The following CDH4 variants were observed in gnomAD, a reference collection of about 807,000 sequenced individuals.
CDH4 encodes cadherin-4.
A neutral mutation model predicts 86.0 loss-of-function variants in CDH4; 33 were observed. The ratio of observed to expected loss-of-function variants is 0.38; its 90% CI spans 0.29 to 0.51. CDH4 has a LOEUF of 0.51. CDH4 is among the 20% of genes least tolerant of loss of function. The pLI is 0.86. For synonymous variants in CDH4, 555 were observed against 549.4 expected, an observed-to-expected ratio of 1.01 and a Z score of -0.14; for missense variants, 1,114 against 1,307.4, an observed-to-expected ratio of 0.85 and a Z score of 2.28.
chr20:61,731,417 G>C (rs1038051174), intron 2 of CDH4, among the ~76,000 whole-genome samples: 9 of 152,164 alleles, frequency 5.9e-5, no homozygotes, highest in Non-Finnish European at 1.3e-4. Flanking sequence ...CCCCACAGGG[G>C]TATGCTCAGT....
intron 2 of CDH4, among the ~76,000 whole-genome samples, chr20:61,635,539 C>G (rs1186251098): frequency 1.3e-5 from 2 of 152,300 alleles, no homozygotes; most frequent in South Asian, 2.1e-4. Context: ...CCTCCATGTT[C>G]TGTTTGACTG....
rs1031740658 is a variant in CDH4, at chr20:61,623,770, A to G, written c.170-119793A>G. Among the ~76,000 whole-genome samples the G allele has an allele frequency of 2.0e-5, 3 of 152,110 alleles. No individual in the cohort carries two copies. The East Asian group carries it at 5.8e-4, about 29-fold the overall frequency. On this transcript the variant is annotated intron_variant, in intron 2 of 15. Transcript: ENST00000614565. This position sits in a 1 kb window ranked among gnomAD's most constrained non-coding sequence, Gnocchi z 4.4. ...GAAAATAAAAGGTACCCAGAATCTG[A>G]GCAGGAAAGACACGGTTCCTAGAGC...
chr20:61,665,146 C>T (rs545590120), intron 2 of CDH4, among the ~76,000 whole-genome samples: 35 of 152,246 alleles, frequency 2.3e-4, no homozygotes, highest in Admixed American at 3.9e-4. Context: ...ATCCGGGTGC[C>T]GCAGCCTGAA....
chr20:61,557,344 C>A (rs942423002), intron 2 of CDH4, among the ~76,000 whole-genome samples: 28 of 152,326 alleles, frequency 1.8e-4, no homozygotes, highest in African/African-American at 6.0e-4. Context: ...CACAACCCAG[C>A]GGCAGGTCCC....
At chr20:61,787,649 G>A (rs138858082) in intron 4 of CDH4, among the ~76,000 whole-genome samples, 1 of 152,236 alleles carries the variant, frequency 6.6e-6, no homozygotes, top group Non-Finnish European at 1.5e-5. Context: ...CCCTCATGGA[G>A]TTTATGATCA....
At chr20:61,633,737 G>A (rs1057208120) in intron 2 of CDH4, among the ~76,000 whole-genome samples, 5 of 152,230 alleles carry the variant, frequency 3.3e-5, no homozygotes, top group Non-Finnish European at 7.3e-5. Flanking sequence ...GGGGTTTTGG[G>A]GAGAACTGAC....
chr20:61,666,494 G>A (rs762551407), intron 2 of CDH4, among the ~76,000 whole-genome samples: 13 of 152,196 alleles, frequency 8.5e-5, no homozygotes, highest in Admixed American at 2.0e-4. Context: ...GGGCTCAGGC[G>A]GACAGACTCC....
intron 2 of CDH4, among the ~76,000 whole-genome samples, chr20:61,578,783 C>G (rs1036752844): frequency 7.2e-5 from 11 of 152,268 alleles, no homozygotes; most frequent in African/African-American, 2.2e-4. Flanking sequence ...TTCTCTCATC[C>G]GGTCCATTCT....
chr20:61,766,486 G>A (rs914605178), intron 3 of CDH4, among the ~76,000 whole-genome samples: 4 of 152,202 alleles, frequency 2.6e-5, no homozygotes, highest in East Asian at 1.9e-4. Flanking sequence ...GGTTTCTTCC[G>A]ACAGCAGGGC....
At chr20:61,675,287 CCA>C (rs1168875130) in intron 2 of CDH4, among the ~76,000 whole-genome samples, 158 of 149,714 alleles carry the variant, frequency 1.1e-3, no homozygotes, top group Middle Eastern at 3.5e-3. Flanking sequence ...CCAAGCACTC[CCA>C]TGGAAACAAC....
At chr20:61,519,277 T>C (rs2085850305) in intron 2 of CDH4, among the ~76,000 whole-genome samples, 1 of 152,244 alleles carries the variant, frequency 6.6e-6, no homozygotes, top group African/African-American at 2.4e-5. Context: ...TAACACTTAA[T>C]GACTTCTCAG....
chr20:61,404,788 C>T (rs894211467), intron 2 of CDH4, among the ~76,000 whole-genome samples: 3 of 151,542 alleles, frequency 2.0e-5, no homozygotes, highest in Admixed American at 1.3e-4. Flanking sequence ...TGGTGGCTCA[C>T]GCCTGTAATC....
chr20:61,782,841 T>G (rs1437997742), intron 4 of CDH4, among the ~76,000 whole-genome samples: 9 of 152,208 alleles, frequency 5.9e-5, no homozygotes, highest in Non-Finnish European at 1.3e-4. Context: ...CCCAGCACTT[T>G]GGGAGGCCGA....
chr20:61,567,257 A>G (rs2086305713), intron 2 of CDH4, among the ~76,000 whole-genome samples: 1 of 152,228 alleles, frequency 6.6e-6, no homozygotes, highest in Non-Finnish European at 1.5e-5. Flanking sequence ...TGGGGACGGC[A>G]GAAGTTACCT....
chr20:61,588,486 T>C (rs1372098246), intron 2 of CDH4, among the ~76,000 whole-genome samples: 1 of 152,218 alleles, frequency 6.6e-6, no homozygotes, highest in Middle Eastern at 3.2e-3. Context: ...TCGTGAATTC[T>C]GAGTGGAGTG....
At chr20:61,562,575 A>G (rs1303932613) in intron 2 of CDH4, among the ~76,000 whole-genome samples, 1 of 152,166 alleles carries the variant, frequency 6.6e-6, no homozygotes, top group Non-Finnish European at 1.5e-5. Flanking sequence ...TCCCTGCAGG[A>G]TCTGAGCACA....
At chr20:61,396,032 C>T (rs1212667680) in intron 2 of CDH4, among the ~76,000 whole-genome samples, 1 of 152,072 alleles carries the variant, frequency 6.6e-6, no homozygotes, top group Non-Finnish European at 1.5e-5. Flanking sequence ...GATGTGGGGC[C>T]GCCAAATTTG....
intron 2 of CDH4, among the ~76,000 whole-genome samples, chr20:61,311,747 G>C (rs915346673): frequency 6.6e-6 from 1 of 152,266 alleles, no homozygotes; most frequent in African/African-American, 2.4e-5. Flanking sequence ...ACTATCTCAA[G>C]GGCCAGAGAA....
intron 5 of CDH4, among the ~76,000 whole-genome samples, chr20:61,848,537 A>ATT (rs71331932): frequency 1.0e-3 from 154 of 151,740 alleles, no homozygotes; most frequent in African/African-American, 3.5e-3. Flanking sequence ...ATTGTATTGT[A>ATT]TTTTTTGAGA....
Sources: gnomAD v4.1 joint callset for allele counts (sites outside exome capture counted in the v4.1 genomes callset) on GRCh38, gnomAD v4.1.1 for gene constraint, Gnocchi (gnomAD v3.1) non-coding constraint, MANE v1.5 for transcripts, NCBI Gene and HGNC (gene_info 2026-07-23, HGNC 2026-07-21) for gene names.